Variants in HDAC5 observed in about 807,000 individuals in gnomAD.
The protein encoded by HDAC5 is histone deacetylase 5.
HDAC5 carries 25 observed loss-of-function variants against 133.3 expected under a neutral mutation model. The ratio of observed to expected loss-of-function variants is 0.19; its 90% CI spans 0.14 to 0.26. The LOEUF (loss-of-function observed/expected upper bound fraction) is 0.26. HDAC5 is among the 10% of genes least tolerant of loss of function. The probability of loss-of-function intolerance (pLI) is 1.00; values close to 1 mark genes in which losing one functional copy is unlikely to be tolerated. For synonymous variants in HDAC5, 589 were observed against 610.8 expected, an observed-to-expected ratio of 0.96 and a Z score of 0.53; for missense variants, 1,041 against 1,460.5, an observed-to-expected ratio of 0.71 and a Z score of 4.68.
At chr17:44,091,918 C>T (rs570912906) in intron 9 of HDAC5, 87 bp from the exon 10 acceptor site, 32 of 1,434,582 alleles carry the variant, frequency 2.2e-5, no homozygotes, top group Middle Eastern at 2.2e-4. Context: ...GCCAAGGTCT[C>T]TGAATGGTGC....
intron 26 of HDAC5, 22 bp from the exon 27 acceptor site, chr17:44,078,437 G>A (rs371329609): frequency 8.4e-6 from 13 of 1,554,164 alleles, no homozygotes; most frequent in Non-Finnish European, 1.0e-5. Flanking sequence ...GCACAGGGGA[G>A]GGTATTGAGT....
rs200641963 is a variant in HDAC5, at chr17:44,084,532, C to T, written c.2305+23G>A. 1.9e-5 allele frequency: 31 copies of T among 1,613,154 alleles called. No homozygotes were observed. The East Asian group carries it at 6.0e-4, about 31-fold the overall frequency. On this transcript the variant is annotated intron_variant, in intron 16 of 26. Coordinates refer to ENST00000682912, the MANE Select transcript of HDAC5 (RefSeq NM_005474.5). ...CACCCTGACACTGAACATGCCTGCC[C>T]GCCCACCCATGTGCCAGCTCACCGA...
At chr17:44,090,097 G>A (rs558101048) in intron 11 of HDAC5, among the ~76,000 whole-genome samples, 80 of 151,890 alleles carry the variant, frequency 5.3e-4, no homozygotes, top group African/African-American at 1.9e-3. Flanking sequence ...GCCAGGCGCG[G>A]TGGCAGGCGC....
chr17:44,095,236 G>C (rs2051193703), intron 3 of HDAC5, among the ~76,000 whole-genome samples: 1 of 152,208 alleles, frequency 6.6e-6, no homozygotes, highest in Admixed American at 6.5e-5. Context: ...AGAAGTTTAA[G>C]TAGCAACCAG....
Position 44,093,431 on chromosome 17 carries a change from G to A in HDAC5, c.409C>T (p.Arg137Trp), listed in dbSNP as rs991791018. ...CGCTGCTGCTCCAGCTCCTGCTGCC[G>A]CTTGGCTGCCAGCATCTCCTGCTGC... Reference protein sequence around the residue: ...KQQQEMLAAKRQQELEQQRQR... With the variant: ...KQQQEMLAAKWQQELEQQRQR... The change falls in exon 5 of 27, where the codon CGG becomes TGG. Residue 137 changes from arginine to tryptophan, a missense_variant. By Grantham distance (101) the Arg-to-Trp change is moderately radical. This residue lies in a region of HDAC5 where 109 missense variants were observed against 168.0 expected (regional missense o/e 0.65). Transcript: ENST00000682912. The A allele has an allele frequency of 4.4e-6, 7 of 1,601,480 alleles. No individual in the cohort carries two copies. The highest frequency in any genetic ancestry group is 4.5e-5 in the East Asian group (2 of 44,694).
intron 3 of HDAC5, among the ~76,000 whole-genome samples, chr17:44,094,816 A>G (rs193057980): frequency 1.3e-5 from 2 of 152,010 alleles, no homozygotes; most frequent in Admixed American, 6.5e-5. Flanking sequence ...ACCTATATAT[A>G]TATCAGAGAC....
chr17:44,118,550 G>A (rs2052791363), intron 1 of HDAC5, among the ~76,000 whole-genome samples: 1 of 152,132 alleles, frequency 6.6e-6, no homozygotes, highest in African/African-American at 2.4e-5. Flanking sequence ...TATAGTAAAG[G>A]AGGAGGTATT....
chr17:44,079,137 C>A lies in HDAC5; in HGVS notation c.3078+7G>T. ...CTGCCACCTCCCAGCTCCTTCCCAC[C>A]CCTTACCTCTACACTGAGCAGAGCC... On this transcript the variant is annotated splice_region_variant and intron_variant, in intron 24 of 26. Transcript: ENST00000682912. 6.2e-7 allele frequency: 1 copy of A among 1,610,998 alleles called. No individual in the cohort carries two copies. Among genetic ancestry groups the A allele is most frequent in the Non-Finnish European group, 8.5e-7 (1 of 1,177,804 alleles).
chr17:44,082,579 G>A lies in HDAC5; in HGVS notation c.2607+6C>T. The stretch of plus-strand genomic sequence containing the variant: ...CCCTGCCCAGCCCCACCAGCTCACT[G>A]CCTACCCAGTCCACGATGAGGACCT... On this transcript the variant is annotated splice_donor_region_variant and intron_variant, in intron 20 of 26. Transcript: ENST00000682912. 1 of 1,610,724 alleles carries A rather than the reference G, an allele frequency of 6.2e-7. No individual in the cohort carries two copies. The highest frequency in any genetic ancestry group is 1.7e-4 in the Middle Eastern group (1 of 6,054).
At chr17:44,104,483 C>T (rs747664985) in intron 3 of HDAC5, among the ~76,000 whole-genome samples, 8 of 152,172 alleles carry the variant, frequency 5.3e-5, no homozygotes, top group Non-Finnish European at 8.8e-5. Context: ...TGTCACTCTG[C>T]GGTCCTGGCA....
intron 3 of HDAC5, among the ~76,000 whole-genome samples, chr17:44,096,092 G>A (rs1345057121): frequency 1.3e-5 from 2 of 152,136 alleles, no homozygotes; most frequent in Admixed American, 1.3e-4. Flanking sequence ...GGACAACTGG[G>A]CAAACACCAC....
Position 44,088,409 on chromosome 17 carries a change from T to C in HDAC5, c.1577A>G (p.Gln526Arg), listed in dbSNP as rs2050773249. ...CACCTTGCCCAGCTGTAGCTGCTGC[T>C]GCTTCTGCTTCTCCAGGAACTGCTG... Reference protein sequence around the residue: ...QHQQFLEKQKQQQLQLGKILT... With the variant: ...QHQQFLEKQKRQQLQLGKILT... The change falls in exon 12 of 27, where the codon CAG (glutamine) becomes CGG (arginine). Residue 526 changes from glutamine to arginine, a missense_variant. Physicochemically the swap from Gln to Arg is conservative, Grantham distance 43 (BLOSUM62 1). This residue lies in a region of HDAC5 where 433 missense variants were observed against 531.6 expected (regional missense o/e 0.81). Coordinates refer to ENST00000682912, the MANE Select transcript of HDAC5 (RefSeq NM_005474.5). The C allele has an allele frequency of 2.2e-5, 35 of 1,558,788 alleles. No homozygotes were observed. The highest frequency in any genetic ancestry group is 9.6e-5 in the East Asian group (4 of 41,528).
rs184734413 is a variant in HDAC5, at chr17:44,096,188, C to T, written c.95-2354G>A. 1.9e-3 allele frequency among the ~76,000 whole-genome samples: 288 copies of T among 152,274 alleles called. 1 individual carries two copies. The highest frequency in any genetic ancestry group is 6.5e-3 in the African/African-American group (272 of 41,566). On this transcript the variant is annotated intron_variant, in intron 3 of 26. Transcript: ENST00000682912. ...GGCAGGATACCACTGCCTGGGAAGGCGGAAGTGAGAGAGGCAGGCCAACCC... is the reference window on the plus strand; with the variant it reads ...GGCAGGATACCACTGCCTGGGAAGGTGGAAGTGAGAGAGGCAGGCCAACCC...
chr17:44,091,568 C>G (rs2050952428), intron 10 of HDAC5, 76 bp from the exon 11 acceptor site: 1 of 1,484,916 alleles, frequency 6.7e-7, no homozygotes, highest in African/African-American at 1.4e-5. Flanking sequence ...TACCCACTAT[C>G]TACCCCCCAA....
intron 3 of HDAC5, 50 bp downstream of exon 3, chr17:44,110,679 G>T: frequency 6.8e-7 from 1 of 1,464,934 alleles, no homozygotes; most frequent in Non-Finnish European, 9.6e-7. Context: ...TCAGCCCAGG[G>T]ACAAGGATGC....
In HDAC5 at chr17:44,076,935, G is replaced by A. The variant is rs974373004; in HGVS notation, c.*1441C>T. 6.5e-5 allele frequency: 10 copies of A among 154,998 alleles called. No individual in the cohort carries two copies. The highest frequency in any genetic ancestry group is 9.7e-5 in the African/African-American group (4 of 41,436). The allele number at this position is 154,998 out of a possible 1,614,324, so 9.6% of individuals were successfully genotyped here. ...CTGGGGCTCAGCACAGAGAGGCCTA[G>A]TACACTGAGCCTGGCCCCATCCCCA... On this transcript the variant is annotated 3_prime_UTR_variant, in exon 27 of 27. Transcript: ENST00000682912.
At chr17:44,107,967 C>G (rs900271568) in intron 3 of HDAC5, among the ~76,000 whole-genome samples, 1 of 152,158 alleles carries the variant, frequency 6.6e-6, no homozygotes, top group Admixed American at 6.5e-5. Flanking sequence ...AAAGGGGAAT[C>G]CAGGGCCCAC....
intron 2 of HDAC5, among the ~76,000 whole-genome samples, chr17:44,111,891 G>A (rs1357833308): frequency 6.6e-6 from 1 of 152,148 alleles, no homozygotes; most frequent in Non-Finnish European, 1.5e-5. Context: ...CCAGGAAAAG[G>A]GACCAGGGAA....
intron 3 of HDAC5, among the ~76,000 whole-genome samples, chr17:44,094,147 A>G (rs2051111614): frequency 6.6e-6 from 1 of 151,364 alleles, no homozygotes; most frequent in Non-Finnish European, 1.5e-5. Flanking sequence ...ACATGATGAA[A>G]CCCCCTCACT....
Sources: allele counts gnomAD v4.1 joint callset (sites outside exome capture counted in the v4.1 genomes callset), GRCh38; gene constraint gnomAD v4.1.1; regional missense constraint gnomAD v4.1.1; transcripts MANE v1.5; gene names NCBI Gene and HGNC (gene_info 2026-07-23, HGNC 2026-07-21).